Variants in TFCP2L1 observed in about 807,000 individuals in gnomAD.
TFCP2L1 encodes the protein transcription factor CP2 like 1.
TFCP2L1 carries 12 observed loss-of-function variants against 72.2 expected under a neutral mutation model. The observed-to-expected ratio is 0.17, with a 90% CI of 0.11 to 0.27. TFCP2L1 has a LOEUF of 0.27. Ranked by LOEUF, TFCP2L1 falls within the 10% of genes least tolerant of loss-of-function variation. The probability of loss-of-function intolerance (pLI) is 1.00; values close to 1 mark genes in which losing one functional copy is unlikely to be tolerated. For missense variants in TFCP2L1, 488 were observed against 624.6 expected, an observed-to-expected ratio of 0.78 and a Z score of 2.33; for synonymous variants, 260 against 251.0, an observed-to-expected ratio of 1.04 and a Z score of -0.34.
rs376256763 is a variant in TFCP2L1 at position 121,233,484 on chromosome 2, G to A, written c.1198+607C>T. 2.0e-3 allele frequency among the ~76,000 whole-genome samples: 299 copies of A among 152,330 alleles called. 3 individuals carry two copies. The highest frequency in any genetic ancestry group is 6.7e-3 in the African/African-American group (279 of 41,578). On this transcript the variant is annotated intron_variant, in intron 12 of 14. Transcript: ENST00000263707. ...CCAGCCTACTTTTTCAATATTTAGAGATTTGGTCTTGGTATATTCCCCAGG... is the reference window on the plus strand; with the variant it reads ...CCAGCCTACTTTTTCAATATTTAGAAATTTGGTCTTGGTATATTCCCCAGG...
intron 11 of TFCP2L1, among the ~76,000 whole-genome samples, chr2:121,234,915 G>A (rs1479215860): frequency 6.6e-6 from 1 of 152,230 alleles, no homozygotes; most frequent in African/African-American, 2.4e-5. Flanking sequence ...ACAAGCATCT[G>A]AGAACATGGG....
At position 121,235,234 on chromosome 2, in the gene TFCP2L1, C is replaced by A. The variant is rs766606576; in HGVS notation, c.1081G>T (p.Ala361Ser). The A allele has an allele frequency of 1.2e-6, 2 of 1,614,176 alleles. No individual in the cohort carries two copies. Among genetic ancestry groups the A allele is most frequent in the South Asian group, 1.1e-5 (1 of 91,076 alleles). ...GPADGIRLFNAIKGRNVRPKM... is the reference protein window; with the variant it reads ...GPADGIRLFNSIKGRNVRPKM... ...ACCAACACCTACCGGCCTTTGATGGCGTTGAAGAGCCGGATCCCATCTGCG... is the reference window on the plus strand; with the variant it reads ...ACCAACACCTACCGGCCTTTGATGGAGTTGAAGAGCCGGATCCCATCTGCG... Residue 361 changes from alanine to serine, a missense_variant, in exon 11 of 15, where the codon GCC becomes TCC. Ala to Ser is a moderately conservative substitution (Grantham distance 99). Transcript: ENST00000263707.
At chr2:121,242,664 G>A (rs1686401694) in intron 6 of TFCP2L1, among the ~76,000 whole-genome samples, 195 bp from the exon 7 acceptor site, 2 of 152,300 alleles carry the variant, frequency 1.3e-5, no homozygotes, top group African/African-American at 4.8e-5. Flanking sequence ...CACGGGTCAT[G>A]CACTCTGCTG....
intron 7 of TFCP2L1, chr2:121,240,809 C>T (rs1686352145): frequency 1.1e-6 from 1 of 902,724 alleles, no homozygotes. Context: ...GCAGTGCTTG[C>T]ATCCTGCCAC....
intron 2 of TFCP2L1, among the ~76,000 whole-genome samples, chr2:121,269,707 G>A (rs145579428): frequency 6.6e-6 from 1 of 152,054 alleles, no homozygotes; most frequent in East Asian, 1.9e-4. Context: ...TCAGGAGTTC[G>A]AGACCAGCCT....
At chr2:121,280,129 C>T (rs1439360274) in intron 2 of TFCP2L1, among the ~76,000 whole-genome samples, 1 of 151,988 alleles carries the variant, frequency 6.6e-6, no homozygotes, top group Non-Finnish European at 1.5e-5. Flanking sequence ...CCTCACAGAC[C>T]TTCATTCTTT....
chr2:121,232,556 A>C (rs542346397), intron 12 of TFCP2L1, among the ~76,000 whole-genome samples: 5 of 152,314 alleles, frequency 3.3e-5, no homozygotes, highest in Non-Finnish European at 4.4e-5. Flanking sequence ...GTATCAGGCA[A>C]TTCTGACATG....
chr2:121,236,243 T>C (rs934592643), intron 10 of TFCP2L1, among the ~76,000 whole-genome samples: 1 of 152,160 alleles, frequency 6.6e-6, no homozygotes, highest in African/African-American at 2.4e-5. Flanking sequence ...TTACACAAGG[T>C]GCGTGTCTGC....
chr2:121,239,404 T>A (rs1274566830), intron 8 of TFCP2L1, among the ~76,000 whole-genome samples, 154 bp downstream of exon 8: 2 of 152,072 alleles, frequency 1.3e-5, no homozygotes, highest in African/African-American at 2.4e-5. Context: ...GCACTAAAAG[T>A]TGTGTAAATG....
intron 2 of TFCP2L1, among the ~76,000 whole-genome samples, chr2:121,263,769 A>G (rs1686876220): frequency 6.6e-6 from 1 of 152,234 alleles, no homozygotes; most frequent in Admixed American, 6.5e-5. Flanking sequence ...ACAAGGCCAG[A>G]TAAGCATCTT....
chr2:121,275,804 CA>C (rs1019634635), intron 2 of TFCP2L1, among the ~76,000 whole-genome samples: 5 of 152,150 alleles, frequency 3.3e-5, no homozygotes, highest in African/African-American at 1.2e-4. Flanking sequence ...CTCCTGACCT[CA>C]GATGATCCAC....
chr2:121,255,604 C>G (rs903135241), intron 2 of TFCP2L1, among the ~76,000 whole-genome samples: 1 of 152,240 alleles, frequency 6.6e-6, no homozygotes, highest in Admixed American at 6.5e-5. Context: ...CCTGGTCTGT[C>G]TGACGCCGAA....
intron 7 of TFCP2L1, among the ~76,000 whole-genome samples, chr2:121,240,969 C>T (rs760279086): frequency 2.5e-4 from 38 of 152,196 alleles, no homozygotes; most frequent in Admixed American, 3.3e-4. Context: ...TACAGCTGCT[C>T]GTCAGCCAAG....
At chr2:121,264,776 G>A (rs937978363) in intron 2 of TFCP2L1, among the ~76,000 whole-genome samples, 1 of 152,224 alleles carries the variant, frequency 6.6e-6, no homozygotes, top group Non-Finnish European at 1.5e-5. Flanking sequence ...CTGGCAGATG[G>A]CTGCCAGTCT....
At chr2:121,245,740 T>A (rs1315541874) in intron 6 of TFCP2L1, among the ~76,000 whole-genome samples, 2 of 152,190 alleles carry the variant, frequency 1.3e-5, no homozygotes, top group Non-Finnish European at 2.9e-5. Context: ...CCAGGCTCTG[T>A]GAGAAATGGC....
intron 6 of TFCP2L1, among the ~76,000 whole-genome samples, chr2:121,243,422 C>G (rs1003857416): frequency 6.6e-6 from 1 of 152,210 alleles, no homozygotes; most frequent in African/African-American, 2.4e-5. Context: ...TGGTCCTCAA[C>G]CTCTGGGCCA....
At chr2:121,244,876 C>T (rs766485870) in intron 6 of TFCP2L1, among the ~76,000 whole-genome samples, 12 of 152,300 alleles carry the variant, frequency 7.9e-5, no homozygotes, top group East Asian at 1.9e-4. Context: ...AAGACCACAG[C>T]ACACAGCCAT....
In TFCP2L1 at chr2:121,224,068, G is replaced by A. The variant is rs947702171; in HGVS notation, c.*273C>T. 3 of 516,626 alleles carry A rather than the reference G, an allele frequency of 5.8e-6. No individual in the cohort carries two copies. Among genetic ancestry groups the A allele is most frequent in the African/African-American group, 3.8e-5 (2 of 52,380 alleles). The allele number at this position is 516,626 out of a possible 1,614,324, so 32.0% of individuals were successfully genotyped here. Reference sequence around the variant, plus strand: ...GACGTCTCCACTGTTTGCCCTTTTAGAACGTCAGGGTTGGACCAATAGAAA... The same window carrying A: ...GACGTCTCCACTGTTTGCCCTTTTAAAACGTCAGGGTTGGACCAATAGAAA... On this transcript the variant is annotated 3_prime_UTR_variant, in exon 15 of 15. Transcript: ENST00000263707.
At chr2:121,250,363 T>TAC (rs755492586) in intron 2 of TFCP2L1, among the ~76,000 whole-genome samples, 43 of 148,166 alleles carry the variant, frequency 2.9e-4, no homozygotes, top group Admixed American at 6.1e-4. Context: ...TATATATATA[T>TAC]ACACACACAC....
Sources: gnomAD v4.1 joint callset for allele counts (sites outside exome capture counted in the v4.1 genomes callset) on GRCh38, gnomAD v4.1.1 for gene constraint, MANE v1.5 for transcripts, NCBI Gene and HGNC (gene_info 2026-07-23, HGNC 2026-07-21) for gene names.